Variants in EPS15L1 observed in about 807,000 individuals in gnomAD.
EPS15L1 encodes epidermal growth factor receptor substrate 15-like 1.
A neutral mutation model predicts 117.1 loss-of-function variants in EPS15L1; 43 were observed. The observed-to-expected ratio is 0.37, with a 90% CI of 0.29 to 0.47. The LOEUF (loss-of-function observed/expected upper bound fraction) is 0.47, where lower values mean the gene tolerates loss of function less well. Among genes scored for constraint, EPS15L1 ranks in the 20% least tolerant of loss-of-function variants. The pLI is 0.99. For missense variants in EPS15L1, 981 were observed against 1,164.0 expected, an observed-to-expected ratio of 0.84 and a Z score of 2.29; for synonymous variants, 459 against 470.5, an observed-to-expected ratio of 0.98 and a Z score of 0.32.
chr19:16,367,297 T>C (rs1261650312), intron 22 of EPS15L1, among the ~76,000 whole-genome samples: 1 of 151,414 alleles, frequency 6.6e-6, no homozygotes, highest in Non-Finnish European at 1.5e-5. Context: ...AAAGACCCTC[T>C]TGGGTGTGCT....
chr19:16,401,899 G>A lies in EPS15L1; in HGVS notation c.1791+422C>T, dbSNP rs1342240538. The A allele has an allele frequency of 7.0e-6, 7 of 993,244 alleles. No homozygotes were observed. The East Asian group carries it at 6.5e-4, about 93-fold the overall frequency. The allele number at this position is 993,244 out of a possible 1,614,324, so 61.5% of individuals were successfully genotyped here. On this transcript the variant is annotated intron_variant, in intron 16 of 23. Coordinates refer to ENST00000455140, the MANE Select transcript of EPS15L1 (RefSeq NM_001258374.3). Reference sequence around the variant, plus strand: ...TTTGCTTTTCAAGGTGTTCCTTGTGGAAACACACATACACATAGACACATG... The same window carrying A: ...TTTGCTTTTCAAGGTGTTCCTTGTGAAAACACACATACACATAGACACATG...
In EPS15L1 at chr19:16,421,401, G is replaced by C; in HGVS notation, c.868C>G (p.Leu290Val). ...TCCTGGCCACTCACGTAGCCATCCA[G>C]GTCCAGGTCGGTCTTCAGGAATATC... ...DEIFLKTDLD[L>V]DGYVSGQEVK... Residue 290 changes from leucine to valine, a missense_variant, in exon 10 of 24, where the codon CTG becomes GTG. Physicochemically the swap from Leu to Val is conservative, Grantham distance 32 (BLOSUM62 1). Coordinates refer to ENST00000455140, the MANE Select transcript of EPS15L1 (RefSeq NM_001258374.3). The C allele has an allele frequency of 6.2e-7, 1 of 1,614,156 alleles. No individual in the cohort carries two copies. The highest frequency in any genetic ancestry group is 1.1e-5 in the South Asian group (1 of 91,082).
rs570551639 is a variant in EPS15L1, at chr19:16,396,535, A to G, written c.1792-1068T>C. On this transcript the variant is annotated intron_variant, in intron 16 of 23. Transcript: ENST00000455140. ...CACCTCAGCCTCCCAACGTACTGGG[A>G]TTATAGGCATGAGCTACCGCACCTG... Among the ~76,000 whole-genome samples, 12 of 152,324 alleles carry G rather than the reference A, an allele frequency of 7.9e-5. No individual in the cohort carries two copies. The East Asian group carries it at 1.3e-3, about 17-fold the overall frequency.
rs940494374 is a variant in EPS15L1 at position 16,374,490 on chromosome 19, G to T, written c.2380+2632C>A. On this transcript the variant is annotated intron_variant, in intron 22 of 23. Coordinates refer to ENST00000455140, the MANE Select transcript of EPS15L1 (RefSeq NM_001258374.3). ...GTCACCCAAACTCCCGTTATCAAAC[G>T]TTCTACTTTTAACAAGCATTCTTTT... Among the ~76,000 whole-genome samples the T allele has an allele frequency of 2.0e-5, 3 of 152,150 alleles. No individual in the cohort carries two copies. In the East Asian group the frequency reaches 5.8e-4, roughly 29 times the overall value.
At chr19:16,401,837 C>T (rs1233342376) in intron 16 of EPS15L1, 4 of 986,896 alleles carry the variant, frequency 4.1e-6, no homozygotes, top group East Asian at 1.1e-4. Context: ...CACCCTGGGG[C>T]GCTGCTTGCC....
intron 8 of EPS15L1, among the ~76,000 whole-genome samples, chr19:16,428,385 A>G (rs984950370): frequency 2.0e-5 from 3 of 148,618 alleles, no homozygotes; most frequent in Non-Finnish European, 3.0e-5. Context: ...AACAAAAAAA[A>G]AAAGAAAGAA....
At chr19:16,460,293 A>G (rs2093236429) in intron 1 of EPS15L1, among the ~76,000 whole-genome samples, 2 of 152,154 alleles carry the variant, frequency 1.3e-5, no homozygotes. Context: ...ATAAAAAAAG[A>G]ACAGTGTTTC....
chr19:16,438,678 C>CACCACT (rs2092999789), intron 4 of EPS15L1, among the ~76,000 whole-genome samples: 3 of 152,158 alleles, frequency 2.0e-5, no homozygotes, highest in Admixed American at 6.5e-5. Context: ...CACAGGTGTG[C>CACCACT]ACCACTATGC....
chr19:16,418,473 G>A (rs1237561667), intron 10 of EPS15L1, among the ~76,000 whole-genome samples: 2 of 152,224 alleles, frequency 1.3e-5, no homozygotes, highest in Non-Finnish European at 2.9e-5. Context: ...CAGCCCTTCC[G>A]TGGAAATGGG....
chr19:16,468,234 C>T (rs751716828), intron 1 of EPS15L1, among the ~76,000 whole-genome samples: 1 of 152,098 alleles, frequency 6.6e-6, no homozygotes, highest in Non-Finnish European at 1.5e-5. Flanking sequence ...TTCTAGCAAC[C>T]GGAGCAACAC....
intron 5 of EPS15L1, among the ~76,000 whole-genome samples, chr19:16,437,302 T>C (rs1458461746): frequency 1.3e-5 from 2 of 152,180 alleles, no homozygotes; most frequent in African/African-American, 4.8e-5. Flanking sequence ...ATGTGGTCCA[T>C]CCAGTAAATG....
At chr19:16,375,917 G>A (rs991411793) in intron 22 of EPS15L1, among the ~76,000 whole-genome samples, 2 of 152,232 alleles carry the variant, frequency 1.3e-5, no homozygotes, top group Non-Finnish European at 2.9e-5. Context: ...CTACTGACAG[G>A]TGGCCGAGGT....
chr19:16,445,659 C>T (rs182518941), intron 1 of EPS15L1, among the ~76,000 whole-genome samples: 198 of 152,306 alleles, frequency 1.3e-3, no homozygotes, highest in African/African-American at 3.8e-3. Flanking sequence ...GACCTCTTGG[C>T]CCCCAAAAGG....
intron 1 of EPS15L1, among the ~76,000 whole-genome samples, chr19:16,458,336 T>C (rs923830673): frequency 6.6e-5 from 10 of 152,126 alleles, no homozygotes; most frequent in African/African-American, 1.9e-4. Flanking sequence ...TGGAGCATCA[T>C]AGTCAGGGCA....
rs2092633318 is a variant in EPS15L1, at chr19:16,404,373, T to C, written c.1428+215A>G. On this transcript the variant is annotated intron_variant, in intron 14 of 23. Coordinates refer to ENST00000455140, the MANE Select transcript of EPS15L1 (RefSeq NM_001258374.3). The surrounding 1 kb of genome is among the most constrained non-coding windows in gnomAD (Gnocchi z 4.2). The stretch of plus-strand genomic sequence containing the variant: ...CACAAGTTCGCAGGGACCAAGGCCA[T>C]TCACTTATACAACCTGACTTCTAGG... Among the ~76,000 whole-genome samples the C allele has an allele frequency of 6.6e-6, 1 of 152,176 alleles. No individual in the cohort carries two copies. Among genetic ancestry groups the C allele is most frequent in the Admixed American group, 6.5e-5 (1 of 15,276 alleles).
In EPS15L1 at chr19:16,425,067, G is replaced by T; in HGVS notation, c.792+16C>A. The T allele has an allele frequency of 6.2e-7, 1 of 1,603,078 alleles. No homozygotes were observed. The highest frequency in any genetic ancestry group is 8.5e-7 in the Non-Finnish European group (1 of 1,169,940). ...TGTGCTCTGAGAGGGGGCTGTGCCC[G>T]CTGAGGGCTCCGTACCTGTGTTTGC... On this transcript the variant is annotated intron_variant, in intron 9 of 23. Transcript: ENST00000455140.
At chr19:16,455,825 G>A (rs2093189915) in intron 1 of EPS15L1, among the ~76,000 whole-genome samples, 1 of 152,088 alleles carries the variant, frequency 6.6e-6, no homozygotes. Flanking sequence ...CTGGCTCCAG[G>A]TAAAAATGTA....
chr19:16,424,820 C>G (rs1427367591), intron 9 of EPS15L1, among the ~76,000 whole-genome samples: 1 of 152,002 alleles, frequency 6.6e-6, no homozygotes. Flanking sequence ...ACCACCACAC[C>G]CAGCTAATTT....
chr19:16,418,143 C>T (rs148029183), intron 10 of EPS15L1, 39 bp from the exon 11 acceptor site: 187 of 1,582,244 alleles, frequency 1.2e-4, no homozygotes, highest in South Asian at 6.3e-4. Context: ...ACATCACAGG[C>T]GCCGACTCAG....
Sources: gnomAD v4.1 joint callset for allele counts (sites outside exome capture counted in the v4.1 genomes callset) on GRCh38, gnomAD v4.1.1 for gene constraint, Gnocchi (gnomAD v3.1) non-coding constraint, MANE v1.5 for transcripts, NCBI Gene and HGNC (gene_info 2026-07-23, HGNC 2026-07-21) for gene names.